The following ABCB4 variants were observed in gnomAD, a reference collection of about 807,000 sequenced individuals.
The protein encoded by ABCB4 is phosphatidylcholine translocator ABCB4.
In ABCB4, 76 loss-of-function variants were observed where a neutral mutation model predicts 145.7. That is an observed-to-expected ratio of 0.52 (90% CI 0.43 to 0.63). ABCB4 has a LOEUF of 0.63. ABCB4 is among the 30% of genes least tolerant of loss of function. The pLI, the probability that ABCB4 is intolerant of heterozygous loss-of-function variation, is 0.00. For missense variants in ABCB4, 1,234 were observed against 1,553.1 expected (o/e 0.79, Z 3.45); for synonymous variants, 517 against 566.8 (o/e 0.91, Z 1.25).
chr7:87,388,287 T>C, the ABCB4 span, among the ~76,000 whole-genome samples: 34 of 152,070 alleles, frequency 2.2e-4, 1 homozygote, highest in Admixed American at 2.2e-3. Context: ...TTAAATTTCA[T>C]ATGGAACCAA....
At chr7:87,445,063 A>G in intron 9 of ABCB4, 88 bp from the exon 10 acceptor site, 1 of 886,926 alleles carries the variant, frequency 1.1e-6, no homozygotes, top group South Asian at 1.5e-5. Flanking sequence ...CATAGTACAT[A>G]AAGGATTAAG....
chr7:87,431,363 T>C, intron 15 of ABCB4, 41 bp downstream of exon 15: 1 of 1,613,244 alleles, frequency 6.2e-7, no homozygotes, highest in Non-Finnish European at 8.5e-7. Flanking sequence ...AACACTATAT[T>C]GAGGAGCAAA....
chr7:87,444,458 A>AT (rs1449458200), intron 10 of ABCB4, among the ~76,000 whole-genome samples: 3 of 152,150 alleles, frequency 2.0e-5, no homozygotes, highest in East Asian at 1.9e-4. Flanking sequence ...TTTTTTGGAG[A>AT]GGGGGAACCC....
intron 15 of ABCB4, among the ~76,000 whole-genome samples, chr7:87,428,122 A>G (rs1184455750): frequency 6.6e-6 from 1 of 152,110 alleles, no homozygotes; most frequent in Non-Finnish European, 1.5e-5. Context: ...TCTTTTGGTA[A>G]TCTCATCCAT....
chr7:87,465,429 C>A (rs58209691), intron 3 of ABCB4, among the ~76,000 whole-genome samples: 2,926 of 152,302 alleles, frequency 0.019, 94 homozygotes, highest in African/African-American at 0.067. Context: ...GAGCCCACCA[C>A]AGCTCAAAGA....
At chr7:87,403,113 T>A (rs2116309316) in intron 27 of ABCB4, 22 bp downstream of exon 27, 2 of 1,613,614 alleles carry the variant, frequency 1.2e-6, no homozygotes, top group Middle Eastern at 3.3e-4. Context: ...AAATAAGACA[T>A]AAGTTGGGAG....
intron 3 of ABCB4, among the ~76,000 whole-genome samples, chr7:87,469,967 T>C (rs1316948163): frequency 6.6e-6 from 1 of 152,190 alleles, no homozygotes. Flanking sequence ...GACTTCAAAC[T>C]ATACTACAAG....
At chr7:87,423,025 T>G (rs1462106059) in intron 17 of ABCB4, among the ~76,000 whole-genome samples, 1 of 152,236 alleles carries the variant, frequency 6.6e-6, no homozygotes, top group African/African-American at 2.4e-5. Context: ...TTTTGAAACT[T>G]TAAAAGATTT....
the ABCB4 span, chr7:87,392,435 G>A: frequency 1.4e-6 from 1 of 697,462 alleles, no homozygotes; most frequent in East Asian, 2.5e-5. Flanking sequence ...ATAGGAGTAT[G>A]TGTTATAGAT....
intron 3 of ABCB4, among the ~76,000 whole-genome samples, chr7:87,463,618 G>A (rs1812616556): frequency 6.6e-6 from 1 of 152,208 alleles, no homozygotes; most frequent in Admixed American, 6.5e-5. Flanking sequence ...GAATAAGAAG[G>A]TAACTAGAAA....
At chr7:87,398,380 A>T (rs765143410), downstream of ABCB4, 8 of 970,528 alleles carry the variant, frequency 8.2e-6, no homozygotes, top group Non-Finnish European at 1.3e-5. Context: ...TTTACCTTCA[A>T]TTGTGTCAGG....
intron 3 of ABCB4, among the ~76,000 whole-genome samples, chr7:87,467,474 T>G (rs936814995): frequency 5.9e-5 from 9 of 152,046 alleles, no homozygotes; most frequent in Non-Finnish European, 1.2e-4. Flanking sequence ...ACTATCAGCA[T>G]TAGACAGATC....
downstream of ABCB4, among the ~76,000 whole-genome samples, chr7:87,400,592 T>A (rs1214120914): frequency 6.6e-6 from 1 of 152,206 alleles, no homozygotes; most frequent in East Asian, 1.9e-4. Flanking sequence ...TGCAGGGTTT[T>A]AAACTAGATA....
chr7:87,396,682 G>A, the ABCB4 span, among the ~76,000 whole-genome samples: 1 of 89,568 alleles, frequency 1.1e-5, no homozygotes, highest in Non-Finnish European at 2.4e-5. Flanking sequence ...TGTATTACAT[G>A]CTGATTGTAA....
At chr7:87,475,287 T>G in intron 2 of ABCB4, 99 bp downstream of exon 2, 1 of 1,438,254 alleles carries the variant, frequency 7.0e-7, no homozygotes, top group Admixed American at 1.7e-5. Flanking sequence ...ACAAAGGTCT[T>G]CAAAGGCATC....
intron 10 of ABCB4, among the ~76,000 whole-genome samples, chr7:87,444,468 C>T (rs1811206480): frequency 6.6e-6 from 1 of 152,000 alleles, no homozygotes; most frequent in Non-Finnish European, 1.5e-5. Flanking sequence ...AGGGGGAACC[C>T]ACAGCAAAAT....
intron 14 of ABCB4, among the ~76,000 whole-genome samples, chr7:87,435,043 TAGAA>T (rs1329291268): frequency 1.3e-5 from 2 of 152,106 alleles, no homozygotes; most frequent in Non-Finnish European, 2.9e-5. Flanking sequence ...GGTAATTGAG[TAGAA>T]ATAACAGTAG....
At chr7:87,463,125 G>A (rs1812578207) in intron 3 of ABCB4, among the ~76,000 whole-genome samples, 2 of 151,892 alleles carry the variant, frequency 1.3e-5, no homozygotes, top group Non-Finnish European at 2.9e-5. Context: ...TGTTTAATTG[G>A]TATCTGATTT....
intron 21 of ABCB4, among the ~76,000 whole-genome samples, chr7:87,417,044 G>T (rs1289588631): frequency 2.0e-5 from 3 of 152,196 alleles, no homozygotes; most frequent in African/African-American, 7.2e-5. Context: ...TGGACATGAA[G>T]TAAAATGAAA....
Sources: allele counts gnomAD v4.1 joint callset (sites outside exome capture counted in the v4.1 genomes callset), GRCh38; gene constraint gnomAD v4.1.1; transcripts MANE v1.5; gene names NCBI Gene and HGNC (gene_info 2026-07-23, HGNC 2026-07-21).